Variants in GGT7 observed in about 807,000 individuals in gnomAD.
GGT7 encodes glutathione hydrolase 7.
GGT7 carries 30 observed loss-of-function variants against 69.2 expected under a neutral mutation model. The observed-to-expected ratio is 0.43, with a 90% CI of 0.32 to 0.59. The LOEUF (loss-of-function observed/expected upper bound fraction) is 0.59. Ranked by LOEUF, GGT7 falls within the 20% of genes least tolerant of loss-of-function variation. GGT7 has a pLI of 0.05. For synonymous variants in GGT7, 388 were observed against 391.8 expected (o/e 0.99, Z 0.12); for missense variants, 733 against 901.1 (o/e 0.81, Z 2.39).
chr20:34,847,483 T>C (rs1358961585), intron 14 of GGT7, among the ~76,000 whole-genome samples: 1 of 152,244 alleles, frequency 6.6e-6, no homozygotes, highest in African/African-American at 2.4e-5. Flanking sequence ...AGGAAGACTT[T>C]TGGTAGCTCT....
At position 34,853,780 on chromosome 20, in the gene GGT7, T is replaced by C. The variant is rs116311977; in HGVS notation, c.1319+751A>G. 4.2e-3 allele frequency among the ~76,000 whole-genome samples: 638 copies of C among 152,276 alleles called. 2 individuals are homozygous for C. The highest frequency in any genetic ancestry group is 0.015 in the African/African-American group (605 of 41,546). ...TCAAGCCCCCTTGTAGAAACAGATT[T>C]AGAGAGTTTAAACCACTTGCCCAAG... On this transcript the variant is annotated intron_variant, in intron 10 of 14. Coordinates refer to ENST00000336431, the MANE Select transcript of GGT7 (RefSeq NM_178026.3).
At chr20:34,862,789 G>C (rs1568940569) in intron 3 of GGT7, 25 bp downstream of exon 3, 8 of 1,612,330 alleles carry the variant, frequency 5.0e-6, no homozygotes, top group Non-Finnish European at 6.8e-6. Flanking sequence ...AGGCCTGGGG[G>C]ACCCCGACCT....
chr20:34,847,807 T>G (rs143732610), intron 14 of GGT7, among the ~76,000 whole-genome samples: 190 of 152,300 alleles, frequency 1.2e-3, no homozygotes, highest in African/African-American at 4.4e-3. Context: ...AAAATACATT[T>G]AGGGCCGGGC....
chr20:34,846,585 C>G (rs532868461), intron 14 of GGT7, among the ~76,000 whole-genome samples: 1 of 152,122 alleles, frequency 6.6e-6, no homozygotes, highest in Admixed American at 6.6e-5. Context: ...GCTAGGATTA[C>G]AGGCGTGAGC....
In GGT7 at chr20:34,863,622, A is replaced by G. The variant is rs962097748; in HGVS notation, c.170-74T>C. On this transcript the variant is annotated intron_variant, in intron 1 of 14. Coordinates refer to ENST00000336431, the MANE Select transcript of GGT7 (RefSeq NM_178026.3). This position sits in a 1 kb window ranked among gnomAD's most constrained non-coding sequence, Gnocchi z 4.4. ...GCCCACCCTCCAGGTGGGACTATTCAGCGCTTTCCCTGCCCCGCCCCTGCC... is the reference window on the plus strand; with the variant it reads ...GCCCACCCTCCAGGTGGGACTATTCGGCGCTTTCCCTGCCCCGCCCCTGCC... The G allele has an allele frequency of 2.0e-6, 2 of 1,001,798 alleles. No individual in the cohort carries two copies. Among genetic ancestry groups the G allele is most frequent in the African/African-American group, 3.2e-5 (2 of 62,820 alleles). The allele number at this position is 1,001,798 out of a possible 1,614,324, so 62.1% of individuals were successfully genotyped here. A position where few individuals can be genotyped will look rare whatever the true frequency, so the allele number is the denominator to read the frequency against.
At chr20:34,858,229 T>C (rs1202680208) in intron 7 of GGT7, among the ~76,000 whole-genome samples, 2 of 152,002 alleles carry the variant, frequency 1.3e-5, no homozygotes, top group East Asian at 3.9e-4. Context: ...TATGGGCTGG[T>C]GGGGAGCAGG....
intron 1 of GGT7, among the ~76,000 whole-genome samples, chr20:34,866,565 G>C (rs1249835331): frequency 1.3e-5 from 2 of 148,664 alleles, no homozygotes; most frequent in Admixed American, 1.3e-4. Flanking sequence ...TTTTTATCAT[G>C]AACATGTAAT....
At chr20:34,856,024 C>T (rs1478219944) in intron 8 of GGT7, among the ~76,000 whole-genome samples, 1 of 152,146 alleles carries the variant, frequency 6.6e-6, no homozygotes, top group Non-Finnish European at 1.5e-5. Flanking sequence ...AACTCCTGGG[C>T]TCAAGTGATC....
At chr20:34,856,955 A>G (rs1041073247) in intron 7 of GGT7, 62 bp from the exon 8 acceptor site, 3 of 1,026,348 alleles carry the variant, frequency 2.9e-6, no homozygotes, top group South Asian at 2.6e-5. Context: ...TTTGGCCTAT[A>G]ACACGTTTGG....
At chr20:34,870,792 T>C (rs1213500914) in intron 1 of GGT7, among the ~76,000 whole-genome samples, 2 of 151,524 alleles carry the variant, frequency 1.3e-5, no homozygotes, top group African/African-American at 4.9e-5. Flanking sequence ...TTTTGTTTTT[T>C]GTTTTTTGTT....
chr20:34,849,329 TA>T (rs869064447), intron 14 of GGT7, among the ~76,000 whole-genome samples: 16 of 140,506 alleles, frequency 1.1e-4, no homozygotes, highest in Non-Finnish European at 2.3e-4. Context: ...CTGGCTAATT[TA>T]AAAAAATTTT....
chr20:34,852,593 C>A, intron 10 of GGT7, 55 bp from the exon 11 acceptor site: 1 of 1,468,790 alleles, frequency 6.8e-7, no homozygotes, highest in Non-Finnish European at 9.1e-7. Flanking sequence ...ATACACCCCA[C>A]CTACCTCACT....
intron 14 of GGT7, among the ~76,000 whole-genome samples, chr20:34,847,972 A>G (rs1232100910): frequency 3.3e-5 from 5 of 152,136 alleles, no homozygotes; most frequent in Non-Finnish European, 4.4e-5. Flanking sequence ...GTGCACCTGT[A>G]TTCTCAGCTA....
intron 10 of GGT7, among the ~76,000 whole-genome samples, chr20:34,853,339 A>AGG (rs1432991021): frequency 4.3e-4 from 57 of 133,544 alleles, no homozygotes; most frequent in African/African-American, 1.6e-3. Flanking sequence ...GATTTCATAT[A>AGG]GGTGTGTGTG....
Position 34,863,701 on chromosome 20 carries a change from C to T in GGT7, c.170-153G>A. On this transcript the variant is annotated intron_variant, in intron 1 of 14. Coordinates refer to ENST00000336431, the MANE Select transcript of GGT7 (RefSeq NM_178026.3). The surrounding 1 kb of genome is among the most constrained non-coding windows in gnomAD (Gnocchi z 4.4). ...TCACCTTTCCTCATTTTCGCGTGCA[C>T]CCCAGGACAGGCGGGGCAACGGTGC... The T allele has an allele frequency of 1.4e-6, 1 of 727,616 alleles. No homozygotes were observed. 45.1% of individuals were successfully genotyped at this position (727,616 alleles called of 1,614,324 possible).
Position 34,872,709 on chromosome 20 carries a change from G to A in GGT7, c.107C>T (p.Ala36Val), listed in dbSNP as rs2146937069. ...GCGGCCCCTCAGCGGGGCCGCGGGC[G>A]CCGGCTCGTCCTCGGGCAGCCGCGG... ...SFPRLPEDEP[A>V]PAAPLRGRKD... The change falls in exon 1 of 15, where the codon GCG becomes GTG. Residue 36 changes from alanine (A) to valine (V), a missense_variant. Transcript: ENST00000336431. The A allele has an allele frequency of 6.7e-7, 1 of 1,487,254 alleles. No individual in the cohort carries two copies. Among genetic ancestry groups the A allele is most frequent in the Non-Finnish European group, 8.9e-7 (1 of 1,122,682 alleles). 92.1% of individuals were successfully genotyped at this position (1,487,254 alleles called of 1,614,324 possible).
At chr20:34,855,789 CTGTGTGTGTG>C (rs3138662) in intron 8 of GGT7, among the ~76,000 whole-genome samples, 1 of 144,058 alleles carries the variant, frequency 6.9e-6, no homozygotes, top group Non-Finnish European at 1.5e-5. Flanking sequence ...TTTTTCTTTT[CTGTGTGTGTG>C]TGTGTGTGTG....
chr20:34,871,392 C>CT (rs1377437055), intron 1 of GGT7, among the ~76,000 whole-genome samples: 4 of 152,196 alleles, frequency 2.6e-5, no homozygotes, highest in Admixed American at 2.6e-4. Flanking sequence ...AATAAAAGGC[C>CT]TAGCTTCAGG....
intron 14 of GGT7, among the ~76,000 whole-genome samples, chr20:34,847,024 G>A (rs1004374232): frequency 6.6e-6 from 1 of 152,068 alleles, no homozygotes; most frequent in African/African-American, 2.4e-5. Flanking sequence ...ACCTAAAACA[G>A]CAGTCCCTAC....
Sources: gnomAD v4.1 joint callset for allele counts (sites outside exome capture counted in the v4.1 genomes callset) on GRCh38, gnomAD v4.1.1 for gene constraint, Gnocchi (gnomAD v3.1) non-coding constraint, MANE v1.5 for transcripts, NCBI Gene and HGNC (gene_info 2026-07-23, HGNC 2026-07-21) for gene names.